Variants in B3GALT1 observed in about 807,000 individuals in gnomAD.
B3GALT1 encodes beta-1,3-galactosyltransferase 1.
In B3GALT1, 10 loss-of-function variants were observed where a neutral mutation model predicts 23.2. That is an observed-to-expected ratio of 0.43 (90% CI 0.27 to 0.73). The LOEUF (loss-of-function observed/expected upper bound fraction) is 0.73, where lower values mean the gene tolerates loss of function less well. Ranked by LOEUF, B3GALT1 falls within the 30% of genes least tolerant of loss-of-function variation. B3GALT1 has a pLI of 0.21. For missense variants in B3GALT1, 299 were observed against 405.4 expected (o/e 0.74, Z 2.25); for synonymous variants, 156 against 141.5 (o/e 1.10, Z -0.73).
At chr2:167,774,899 G>A (rs1558974980) in intron 3 of B3GALT1, among the ~76,000 whole-genome samples, 1 of 152,156 alleles carries the variant, frequency 6.6e-6, no homozygotes. Context: ...TCAAAGGAAT[G>A]CAAATTAAAG....
intron 3 of B3GALT1, among the ~76,000 whole-genome samples, chr2:167,668,282 C>G (rs1272396397): frequency 1.3e-5 from 2 of 151,974 alleles, no homozygotes; most frequent in African/African-American, 4.8e-5. Context: ...GGGTCAGGGA[C>G]CCACTTGAGG....
chr2:167,658,689 T>C (rs1686000460), intron 3 of B3GALT1, among the ~76,000 whole-genome samples: 1 of 152,112 alleles, frequency 6.6e-6, no homozygotes, highest in Non-Finnish European at 1.5e-5. Flanking sequence ...GTTGATACAG[T>C]TCATCATAGG....
At chr2:167,562,222 T>C (rs1225643675) in intron 2 of B3GALT1, among the ~76,000 whole-genome samples, 1 of 152,166 alleles carries the variant, frequency 6.6e-6, no homozygotes, top group African/African-American at 2.4e-5. Context: ...ATTATCTCAA[T>C]AGATGCAGAA....
At chr2:167,804,674 G>A (rs1688712161) in intron 3 of B3GALT1, among the ~76,000 whole-genome samples, 1 of 152,154 alleles carries the variant, frequency 6.6e-6, no homozygotes, top group African/African-American at 2.4e-5. Flanking sequence ...TTTTATGGCT[G>A]CATACTATTC....
intron 2 of B3GALT1, among the ~76,000 whole-genome samples, chr2:167,541,150 A>G (rs189708248): frequency 2.6e-4 from 40 of 152,174 alleles, no homozygotes; most frequent in Admixed American, 1.1e-3. Flanking sequence ...TTCTTTTTCT[A>G]TCACTGCATT....
intron 1 of B3GALT1, among the ~76,000 whole-genome samples, chr2:167,484,892 T>G (rs1159519460): frequency 6.6e-6 from 1 of 152,192 alleles, no homozygotes; most frequent in Non-Finnish European, 1.5e-5. Context: ...GGTAAAATAA[T>G]TTCTTTCAGG....
At chr2:167,717,829 C>T (rs1023005898) in intron 3 of B3GALT1, among the ~76,000 whole-genome samples, 1 of 152,168 alleles carries the variant, frequency 6.6e-6, no homozygotes, top group South Asian at 2.1e-4. Context: ...CATGAAGTTT[C>T]CAGATTCACC....
chr2:167,452,671 T>G (rs1410805336), intron 1 of B3GALT1, among the ~76,000 whole-genome samples: 1 of 152,214 alleles, frequency 6.6e-6, no homozygotes, highest in Non-Finnish European at 1.5e-5. Context: ...CTCCACACAT[T>G]GCTCTGTTCA....
intron 2 of B3GALT1, among the ~76,000 whole-genome samples, chr2:167,511,796 G>C (rs535891354): frequency 3.3e-4 from 50 of 152,084 alleles, no homozygotes; most frequent in African/African-American, 1.2e-3. Flanking sequence ...CTAAATAGAA[G>C]ATGAAAATGA....
At chr2:167,599,047 A>G (rs1684829959) in intron 2 of B3GALT1, among the ~76,000 whole-genome samples, 1 of 152,166 alleles carries the variant, frequency 6.6e-6, no homozygotes. Flanking sequence ...CTTTTTCTGT[A>G]TAAATGAGAT....
At chr2:167,636,531 C>T (rs2105451654) in intron 2 of B3GALT1, among the ~76,000 whole-genome samples, 1 of 152,198 alleles carries the variant, frequency 6.6e-6, no homozygotes, top group East Asian at 1.9e-4. Context: ...AAGACACATG[C>T]ACACATATGT....
At chr2:167,566,052 A>G (rs576326513) in intron 2 of B3GALT1, among the ~76,000 whole-genome samples, 57 of 152,116 alleles carry the variant, frequency 3.7e-4, no homozygotes, top group Admixed American at 8.5e-4. Context: ...ACATGCATAC[A>G]TATGTTTATT....
intron 1 of B3GALT1, among the ~76,000 whole-genome samples, chr2:167,319,373 G>A (rs1357444820): frequency 6.6e-6 from 1 of 152,064 alleles, no homozygotes; most frequent in African/African-American, 2.4e-5. Context: ...AGCCTACATC[G>A]GGTATTATCC....
intron 1 of B3GALT1, among the ~76,000 whole-genome samples, chr2:167,411,822 G>C (rs1011256203): frequency 1.3e-5 from 2 of 152,156 alleles, no homozygotes; most frequent in Admixed American, 6.5e-5. Context: ...CTCATCAATA[G>C]ATGAATGGAT....
intron 4 of B3GALT1, among the ~76,000 whole-genome samples, chr2:167,840,273 C>A (rs2105397844): frequency 6.6e-6 from 1 of 152,130 alleles, no homozygotes; most frequent in South Asian, 2.1e-4. Flanking sequence ...TTTTTGCCAC[C>A]TACTCATCTG....
intron 2 of B3GALT1, among the ~76,000 whole-genome samples, chr2:167,500,164 G>C (rs1559114739): frequency 6.6e-6 from 1 of 152,096 alleles, no homozygotes; most frequent in Non-Finnish European, 1.5e-5. Context: ...AAGCCTATAA[G>C]GACTCTCAGG....
At chr2:167,779,595 C>T (rs1411949907) in intron 3 of B3GALT1, among the ~76,000 whole-genome samples, 8 of 152,168 alleles carry the variant, frequency 5.3e-5, no homozygotes, top group African/African-American at 1.9e-4. Context: ...CTGAGAATGA[C>T]TGTTGAAATA....
At position 167,697,375 on chromosome 2, in the gene B3GALT1, G is replaced by A. The variant is rs748559703; in HGVS notation, c.-352+50409G>A. 8.7e-4 allele frequency among the ~76,000 whole-genome samples: 132 copies of A among 152,180 alleles called. 1 individual carries two copies. The highest frequency in any genetic ancestry group is 2.3e-3 in the Admixed American group (35 of 15,276). On this transcript the variant is annotated intron_variant, in intron 3 of 4. Transcript: ENST00000392690. Reference sequence around the variant, plus strand: ...AGCATCAAAGCTCCACACCTGGGCTGTGATGGTTGTTTGCATTCCAATAAG... The same window carrying A: ...AGCATCAAAGCTCCACACCTGGGCTATGATGGTTGTTTGCATTCCAATAAG...
intron 1 of B3GALT1, among the ~76,000 whole-genome samples, chr2:167,422,984 A>G (rs559825969): frequency 2.6e-4 from 39 of 152,346 alleles, no homozygotes; most frequent in Admixed American, 2.5e-3. Flanking sequence ...GATCCATGCC[A>G]TAGAATTGCA....
Sources: allele counts gnomAD v4.1 joint callset (sites outside exome capture counted in the v4.1 genomes callset), GRCh38; gene constraint gnomAD v4.1.1; transcripts MANE v1.5; gene names NCBI Gene and HGNC (gene_info 2026-07-23, HGNC 2026-07-21).